Variants in CFAP54 observed in about 807,000 individuals in gnomAD.
CFAP54 encodes cilia and flagella associated protein 54.
CFAP54 carries 290 observed loss-of-function variants against 370.4 expected under a neutral mutation model. That is an observed-to-expected ratio of 0.78 (90% CI 0.71 to 0.86). The LOEUF (loss-of-function observed/expected upper bound fraction) is 0.86. CFAP54 is among the 40% of genes least tolerant of loss of function. The pLI is 0.00. For missense variants in CFAP54, 3,399 were observed against 3,528.7 expected, an observed-to-expected ratio of 0.96 and a Z score of 0.93; for synonymous variants, 1,206 against 1,236.5, an observed-to-expected ratio of 0.98 and a Z score of 0.52.
At chr12:96,871,085 A>G (rs1314618599) in intron 67 of CFAP54, among the ~76,000 whole-genome samples, 2 of 152,152 alleles carry the variant, frequency 1.3e-5, no homozygotes, top group Middle Eastern at 3.2e-3. Flanking sequence ...AAGGAGGGAG[A>G]CAGTGTGGGG....
At chr12:96,777,017 A>T (rs1958523773) in intron 60 of CFAP54, among the ~76,000 whole-genome samples, 2 of 152,102 alleles carry the variant, frequency 1.3e-5, no homozygotes, top group Non-Finnish European at 2.9e-5. Context: ...TTGGCAGCAC[A>T]CCCGTCAGTT....
At chr12:96,502,591 C>G (rs1245101828) in intron 2 of CFAP54, among the ~76,000 whole-genome samples, 1 of 152,010 alleles carries the variant, frequency 6.6e-6, no homozygotes, top group African/African-American at 2.4e-5. Context: ...AAAAACAAAT[C>G]TTTAATAGAA....
intron 36 of CFAP54, among the ~76,000 whole-genome samples, chr12:96,656,538 C>T (rs1808939172): frequency 6.6e-6 from 1 of 152,186 alleles, no homozygotes; most frequent in East Asian, 1.9e-4. Flanking sequence ...TGCGCCACCA[C>T]ACCCAGCTAA....
intron 35 of CFAP54, 147 bp from the exon 36 acceptor site, chr12:96,651,441 A>G (rs1956856343): frequency 4.6e-6 from 3 of 651,572 alleles, no homozygotes; most frequent in Non-Finnish European, 8.1e-6. Context: ...TAATGCATAT[A>G]ACAGTGTCTA....
In CFAP54 at chr12:96,765,231, G is replaced by A. The variant is rs150347616; in HGVS notation, c.8281+13G>A. 12 of 1,470,962 alleles carry A rather than the reference G, an allele frequency of 8.2e-6. No homozygotes were observed. The African/African-American group carries it at 1.5e-4, about 19-fold the overall frequency. The allele number at this position is 1,470,962 out of a possible 1,614,324, so 91.1% of individuals were successfully genotyped here. A position where few individuals can be genotyped will look rare whatever the true frequency, so the allele number is the denominator to read the frequency against. ...GATTATTTGCTTGGTATGTTTGGAT[G>A]TCTACATATTATGCAAAAAAACTGA... On this transcript the variant is annotated intron_variant, in intron 60 of 67. Transcript: ENST00000524981.
At chr12:96,679,339 T>C (rs538343693) in intron 39 of CFAP54, among the ~76,000 whole-genome samples, 1 of 152,094 alleles carries the variant, frequency 6.6e-6, no homozygotes, top group Non-Finnish European at 1.5e-5. Context: ...ATGGGGAAAA[T>C]TGGCAAGATC....
At chr12:96,767,488 A>G (rs1162483141) in intron 60 of CFAP54, among the ~76,000 whole-genome samples, 1 of 152,168 alleles carries the variant, frequency 6.6e-6, no homozygotes, top group African/African-American at 2.4e-5. Flanking sequence ...ATTTTATACC[A>G]TTAGCCCTTC....
chr12:96,533,040 A>G (rs1409937351), intron 9 of CFAP54, among the ~76,000 whole-genome samples: 1 of 152,128 alleles, frequency 6.6e-6, no homozygotes, highest in Non-Finnish European at 1.5e-5. Flanking sequence ...TACAGTGGGC[A>G]GACTCTAGCA....
At chr12:96,779,101 C>T (rs959134074) in intron 60 of CFAP54, among the ~76,000 whole-genome samples, 2 of 130,568 alleles carry the variant, frequency 1.5e-5, no homozygotes, top group African/African-American at 3.0e-5. Context: ...GAGTGAATCT[C>T]CATCTCAAAA....
chr12:96,651,776 T>G lies in CFAP54; in HGVS notation c.5061T>G (p.Ile1687Met). 6.2e-7 allele frequency: 1 copy of G among 1,611,874 alleles called. No homozygotes were observed. Among genetic ancestry groups the G allele is most frequent in the Non-Finnish European group, 8.5e-7 (1 of 1,177,948 alleles). Residue 1687 changes from isoleucine to methionine, a missense_variant, in exon 36 of 68, where the codon ATT becomes ATG. Coordinates refer to ENST00000524981, the MANE Select transcript of CFAP54 (RefSeq NM_001306084.2). ...LPFYLGAELL[I>M]DMLIQLQNTS... Reference sequence around the variant, plus strand: ...TCTATTTGGGAGCAGAATTACTTATTGACATGTTAATACAACTACAAAATA... The same window carrying G: ...TCTATTTGGGAGCAGAATTACTTATGGACATGTTAATACAACTACAAAATA...
At chr12:96,820,622 G>A (rs867085356) in intron 65 of CFAP54, among the ~76,000 whole-genome samples, 1 of 152,136 alleles carries the variant, frequency 6.6e-6, no homozygotes, top group Middle Eastern at 3.2e-3. Context: ...GTCCTCCAAT[G>A]TTGCAACATG....
At chr12:96,518,840 T>C in intron 5 of CFAP54, 88 bp from the exon 6 acceptor site, 1 of 1,216,940 alleles carries the variant, frequency 8.2e-7, no homozygotes, top group East Asian at 2.9e-5. Flanking sequence ...CAACTTGTGC[T>C]CACAACTTAG....
chr12:96,846,875 A>G (rs1959370603), intron 66 of CFAP54, among the ~76,000 whole-genome samples: 2 of 152,134 alleles, frequency 1.3e-5, no homozygotes, highest in Non-Finnish European at 2.9e-5. Context: ...TCCTGACACC[A>G]AGCAATTCTA....
At chr12:96,712,196 A>G (rs1475086241) in intron 48 of CFAP54, among the ~76,000 whole-genome samples, 1 of 151,984 alleles carries the variant, frequency 6.6e-6, no homozygotes, top group Non-Finnish European at 1.5e-5. Flanking sequence ...TCCTTTGCTC[A>G]CCATTACTTA....
At chr12:96,638,184 CAT>C (rs61605059) in intron 32 of CFAP54, among the ~76,000 whole-genome samples, 60,575 of 137,400 alleles carry the variant, frequency 0.44, 13,161 homozygotes, top group Admixed American at 0.52. Flanking sequence ...TTAGCTGCAT[CAT>C]ATATATATAT....
intron 55 of CFAP54, among the ~76,000 whole-genome samples, chr12:96,746,953 C>T (rs374575719): frequency 6.6e-6 from 1 of 152,176 alleles, no homozygotes; most frequent in African/African-American, 2.4e-5. Context: ...TTCCTGAACC[C>T]CAAGACTGGG....
At chr12:96,809,283 C>A (rs984541122) in intron 63 of CFAP54, among the ~76,000 whole-genome samples, 1 of 151,780 alleles carries the variant, frequency 6.6e-6, no homozygotes, top group African/African-American at 2.4e-5. Flanking sequence ...TATCTTAGTA[C>A]CTTTTGGAAT....
chr12:96,852,489 C>T (rs1959577033), intron 66 of CFAP54, among the ~76,000 whole-genome samples: 1 of 152,016 alleles, frequency 6.6e-6, no homozygotes, highest in Non-Finnish European at 1.5e-5. Context: ...CACCTCAACC[C>T]TTACTTTACA....
intron 45 of CFAP54, among the ~76,000 whole-genome samples, chr12:96,696,663 A>T (rs1313469371): frequency 1.3e-5 from 2 of 152,084 alleles, no homozygotes; most frequent in Non-Finnish European, 2.9e-5. Context: ...GGATCAGGAG[A>T]ATGACATGAT....
Sources: gnomAD v4.1 joint callset for allele counts (sites outside exome capture counted in the v4.1 genomes callset) on GRCh38, gnomAD v4.1.1 for gene constraint, MANE v1.5 for transcripts, NCBI Gene and HGNC (gene_info 2026-07-23, HGNC 2026-07-21) for gene names.